DMD: variants seen among roughly 807,000 people sequenced by gnomAD.
The protein encoded by DMD is mutant dystrophin.
Under a neutral mutation model 330.1 loss-of-function variants are expected in DMD, and 63 were observed. The ratio of observed to expected loss-of-function variants is 0.19; its 90% CI spans 0.16 to 0.24. DMD has a LOEUF of 0.24. DMD is among the 10% of genes least tolerant of loss of function. The probability of loss-of-function intolerance (pLI) is 1.00; values close to 1 mark genes in which losing one functional copy is unlikely to be tolerated. For missense variants in DMD, 3,344 were observed against 2,684.1 expected (o/e 1.25, Z -5.43); for synonymous variants, 1,223 against 959.8 (o/e 1.27, Z -5.07).
chrX:32,298,943 T>C (rs1227150882), intron 42 of DMD, among the ~76,000 whole-genome samples: 2 of 111,200 alleles, frequency 1.8e-5, no homozygotes, highest in Non-Finnish European at 3.8e-5. Flanking sequence ...AGTCTACAGG[T>C]TGGTAGACAG....
chrX:32,846,290 T>A (rs1206430799), intron 3 of DMD, among the ~76,000 whole-genome samples: 4 of 111,865 alleles, frequency 3.6e-5, no homozygotes, highest in Non-Finnish European at 7.5e-5. Flanking sequence ...GGACCCAAAC[T>A]TTTGTCTGTG....
At chrX:31,280,189 T>C (rs910976892) in intron 62 of DMD, among the ~76,000 whole-genome samples, 1 of 112,175 alleles carries the variant, frequency 8.9e-6, no homozygotes, top group African/African-American at 3.2e-5. Flanking sequence ...CAAATACACA[T>C]ATAACCTGGG....
chrX:31,213,170 TTGTC>T (rs1203290934), intron 64 of DMD, among the ~76,000 whole-genome samples: 4 of 112,532 alleles, frequency 3.6e-5, no homozygotes, highest in African/African-American at 1.3e-4. Flanking sequence ...TTTGATGTAG[TTGTC>T]TGTGCAGTAA....
At chrX:32,928,187 C>G (rs1372246051) in intron 2 of DMD, among the ~76,000 whole-genome samples, 1 of 110,602 alleles carries the variant, frequency 9.0e-6, no homozygotes, top group South Asian at 3.9e-4. Flanking sequence ...TTTATTCGAT[C>G]TCTTTGAAAG....
intron 54 of DMD, among the ~76,000 whole-genome samples, chrX:31,637,619 A>G (rs1385448074): frequency 2.7e-5 from 3 of 111,155 alleles, no homozygotes; most frequent in Non-Finnish European, 3.8e-5. Flanking sequence ...ATAGATACTC[A>G]ATAAATTTAA....
intron 9 of DMD, among the ~76,000 whole-genome samples, chrX:32,660,621 G>A (rs2060884750): frequency 9.0e-6 from 1 of 111,018 alleles, no homozygotes; most frequent in Admixed American, 9.6e-5. Flanking sequence ...ATAAAATCTA[G>A]TCTCTTTCTT....
At chrX:32,443,359 A>G (rs1178359162) in intron 27 of DMD, among the ~76,000 whole-genome samples, 2 of 110,796 alleles carry the variant, frequency 1.8e-5, no homozygotes, top group East Asian at 5.7e-4. Context: ...TATCTTATGT[A>G]CAGTTTATTG....
rs777905034 is a variant in DMD at position 33,034,315 on chromosome X, A to G, written c.32-14115T>C. Among the ~76,000 whole-genome samples the G allele has an allele frequency of 3.6e-5, 4 of 111,823 alleles. No individual in the cohort carries two copies. The East Asian group carries it at 1.1e-3, about 31-fold the overall frequency. On this transcript the variant is annotated intron_variant, in intron 1 of 78. Transcript: ENST00000357033. ...AAAGATTTGATCATTCCGAGCGCCT[A>G]CTAAACGAATTATAAAGGGAATGGC...
At chrX:32,834,994 C>T (rs1396385951) in intron 4 of DMD, among the ~76,000 whole-genome samples, 1 of 111,210 alleles carries the variant, frequency 9.0e-6, no homozygotes, top group African/African-American at 3.3e-5. Context: ...TAAAGCACCA[C>T]AGTTAAATCT....
At position 31,184,857 on chromosome X, in the gene DMD, C is replaced by T. The variant is rs1381710769; in HGVS notation, c.9808-1953G>A. Among the ~76,000 whole-genome samples the T allele has an allele frequency of 9.8e-5, 9 of 91,873 alleles. No homozygotes were observed. The East Asian group carries it at 2.9e-3, about 30-fold the overall frequency. The allele number at this position is 91,873 out of a possible 115,157, so 79.8% of individuals were successfully genotyped here. On this transcript the variant is annotated intron_variant, in intron 67 of 78. Transcript: ENST00000357033. Reference sequence around the variant, plus strand: ...GAAATCATCATTCTCAGTAAACTATCGCAAGGACAAAAAACCAAACACCGC... The same window carrying T: ...GAAATCATCATTCTCAGTAAACTATTGCAAGGACAAAAAACCAAACACCGC...
At chrX:31,756,488 A>G (rs5927840) in intron 51 of DMD, among the ~76,000 whole-genome samples, 16,799 of 105,380 alleles carry the variant, frequency 0.16, 1,206 homozygotes, top group East Asian at 0.44. Context: ...ACACACACAC[A>G]CGCGCATGCA....
At chrX:31,353,781 G>C (rs2058539814) in intron 60 of DMD, among the ~76,000 whole-genome samples, 1 of 111,836 alleles carries the variant, frequency 8.9e-6, no homozygotes, top group South Asian at 3.8e-4. Flanking sequence ...AAAGGAAAGG[G>C]AAGTGAGACT....
At chrX:31,942,600 C>A (rs1252949971) in intron 45 of DMD, among the ~76,000 whole-genome samples, 1 of 111,317 alleles carries the variant, frequency 9.0e-6, no homozygotes, top group African/African-American at 3.3e-5. Flanking sequence ...CCAGGTTGAC[C>A]TTTCCAATCT....
At chrX:33,173,924 C>T (rs1348439095) in intron 1 of DMD, among the ~76,000 whole-genome samples, 2 of 106,874 alleles carry the variant, frequency 1.9e-5, no homozygotes. Context: ...GGGAAAGGAG[C>T]TTGGATGATA....
intron 30 of DMD, among the ~76,000 whole-genome samples, chrX:32,408,621 T>A (rs2098128667): frequency 9.0e-6 from 1 of 111,678 alleles, no homozygotes; most frequent in African/African-American, 3.3e-5. Flanking sequence ...GTGACCAGTA[T>A]ATGACAGAAA....
At chrX:32,527,578 T>G (rs1437706819) in intron 17 of DMD, among the ~76,000 whole-genome samples, 1 of 109,821 alleles carries the variant, frequency 9.1e-6, no homozygotes, top group Admixed American at 9.9e-5. Context: ...TGTTTCCACA[T>G]GGCATTTGCT....
At chrX:32,389,783 TAAAAAC>T (rs1367784073) in intron 31 of DMD, 109 bp from the exon 32 acceptor site, 20 of 793,465 alleles carry the variant, frequency 2.5e-5, no homozygotes, top group Admixed American at 1.0e-4. Flanking sequence ...TACAGAAAAA[TAAAAAC>T]AAAATAAAGC....
intron 44 of DMD, among the ~76,000 whole-genome samples, chrX:32,058,737 C>T (rs1312478245): frequency 1.8e-5 from 2 of 110,854 alleles, no homozygotes; most frequent in East Asian, 2.9e-4. Flanking sequence ...TCTAGCAATC[C>T]CGCATCTGGA....
intron 1 of DMD, among the ~76,000 whole-genome samples, chrX:33,062,638 G>A (rs1283330467): frequency 9.0e-6 from 1 of 111,386 alleles, no homozygotes; most frequent in Non-Finnish European, 1.9e-5. Context: ...CACTACGCCT[G>A]GCTGGTTTTT....
Sources: allele counts gnomAD v4.1 joint callset (sites outside exome capture counted in the v4.1 genomes callset), GRCh38; gene constraint gnomAD v4.1.1; transcripts MANE v1.5; gene names NCBI Gene and HGNC (gene_info 2026-07-23, HGNC 2026-07-21).